The following GRM1 variants were observed in gnomAD, a reference collection of about 807,000 sequenced individuals.
The protein encoded by GRM1 is glutamate metabotropic receptor 1.
GRM1 carries 33 observed loss-of-function variants against 90.9 expected under a neutral mutation model. The ratio of observed to expected loss-of-function variants is 0.36; its 90% CI spans 0.28 to 0.49. GRM1 has a LOEUF of 0.49. Among genes scored for constraint, GRM1 ranks in the 20% least tolerant of loss-of-function variants. The pLI, the probability that GRM1 is intolerant of heterozygous loss-of-function variation, is 0.99. For missense variants in GRM1, 1,190 were observed against 1,534.3 expected (o/e 0.78, Z 3.75); for synonymous variants, 700 against 613.2 (o/e 1.14, Z -2.09).
At chr6:146,043,782 G>GATATAT (rs3064997) in intron 1 of GRM1, among the ~76,000 whole-genome samples, 1,535 of 89,922 alleles carry the variant, frequency 0.017, 33 homozygotes, top group Admixed American at 0.035. Flanking sequence ...AGAGTCAGGT[G>GATATAT]ATATATATAT....
chr6:146,433,119 TTTCAATG>T (rs1313983200), intron 7 of GRM1, among the ~76,000 whole-genome samples: 3 of 152,216 alleles, frequency 2.0e-5, no homozygotes, highest in Non-Finnish European at 4.4e-5. Context: ...AATACAGCTA[TTTCAATG>T]TTCCTAGAGT....
chr6:146,284,921 G>A (rs1782701948), intron 2 of GRM1, among the ~76,000 whole-genome samples: 1 of 152,166 alleles, frequency 6.6e-6, no homozygotes, highest in African/African-American at 2.4e-5. Flanking sequence ...TTTAGCTAGT[G>A]ATGGATAAGT....
intron 2 of GRM1, among the ~76,000 whole-genome samples, chr6:146,260,343 A>G (rs974751776): frequency 6.6e-6 from 1 of 151,990 alleles, no homozygotes; most frequent in East Asian, 1.9e-4. Flanking sequence ...ATCCTTTTTT[A>G]TGGCTCCATA....
At chr6:146,196,925 G>T in intron 2 of GRM1, among the ~76,000 whole-genome samples, 1 of 152,154 alleles carries the variant, frequency 6.6e-6, no homozygotes, top group South Asian at 2.1e-4. Flanking sequence ...AGATACAAGA[G>T]AACAAAAAGA....
intron 1 of GRM1, among the ~76,000 whole-genome samples, chr6:146,070,771 A>G (rs982679855): frequency 6.6e-6 from 1 of 152,148 alleles, no homozygotes; most frequent in Non-Finnish European, 1.5e-5. Flanking sequence ...CAGAATCATG[A>G]CCTTACTAGT....
intron 2 of GRM1, among the ~76,000 whole-genome samples, chr6:146,173,802 G>A (rs113919439): frequency 0.021 from 3,237 of 152,040 alleles, 53 homozygotes; most frequent in Non-Finnish European, 0.036. Context: ...AAGTAGCTGG[G>A]ATTACAGGCA....
intron 2 of GRM1, among the ~76,000 whole-genome samples, chr6:146,216,686 T>C (rs1466426787): frequency 6.6e-6 from 1 of 152,246 alleles, no homozygotes; most frequent in Non-Finnish European, 1.5e-5. Context: ...AGAGTCCTGT[T>C]CCTCTAAACT....
At chr6:146,339,934 C>T (rs1053147943) in intron 3 of GRM1, among the ~76,000 whole-genome samples, 3 of 152,186 alleles carry the variant, frequency 2.0e-5, no homozygotes, top group Non-Finnish European at 4.4e-5. Context: ...TCCCTTGGCA[C>T]ACAAAATAGG....
chr6:146,336,380 A>G (rs1457515326), intron 3 of GRM1, among the ~76,000 whole-genome samples: 1 of 152,162 alleles, frequency 6.6e-6, no homozygotes, highest in Non-Finnish European at 1.5e-5. Context: ...GAGAAGCTGC[A>G]ATCTGATTCC....
At position 146,339,499 on chromosome 6, in the gene GRM1, A is replaced by G. The variant is rs1031588043; in HGVS notation, c.1187-12751A>G. On this transcript the variant is annotated intron_variant, in intron 3 of 7. Transcript: ENST00000282753. The stretch of plus-strand genomic sequence containing the variant: ...TCATTTATATTACAGCTTTTATTCA[A>G]TAATCTTGAGTGATAGCTTATAGTC... 2.2e-4 allele frequency among the ~76,000 whole-genome samples: 34 copies of G among 152,198 alleles called. 1 individual carries two copies. The highest frequency in any genetic ancestry group is 7.7e-4 in the African/African-American group (32 of 41,460).
chr6:146,232,648 G>A (rs1780487561), intron 2 of GRM1, among the ~76,000 whole-genome samples: 2 of 151,772 alleles, frequency 1.3e-5, no homozygotes, highest in African/African-American at 2.4e-5. Context: ...TTTTGTACAC[G>A]TTAACCATCC....
intron 2 of GRM1, among the ~76,000 whole-genome samples, chr6:146,269,977 A>C (rs1304683989): frequency 6.6e-6 from 1 of 151,900 alleles, no homozygotes; most frequent in African/African-American, 2.4e-5. Flanking sequence ...AAAAAAAAAA[A>C]ACAAGAAATG....
chr6:146,178,054 T>C (rs2114534011), intron 2 of GRM1, among the ~76,000 whole-genome samples: 1 of 152,318 alleles, frequency 6.6e-6, no homozygotes, highest in Admixed American at 6.5e-5. Context: ...TCAATATTGA[T>C]ACTGCATTAT....
intron 3 of GRM1, among the ~76,000 whole-genome samples, chr6:146,310,327 C>A (rs1022394362): frequency 6.6e-6 from 1 of 152,150 alleles, no homozygotes; most frequent in African/African-American, 2.4e-5. Flanking sequence ...TAAGATCAGT[C>A]CATTAGAGTT....
intron 3 of GRM1, among the ~76,000 whole-genome samples, chr6:146,325,526 A>G (rs1784372213): frequency 6.6e-6 from 1 of 152,218 alleles, no homozygotes; most frequent in Admixed American, 6.5e-5. Context: ...CCCTAGGAAT[A>G]AAATGGCCTC....
intron 7 of GRM1, among the ~76,000 whole-genome samples, chr6:146,433,479 G>GA (rs1248872876): frequency 2.0e-5 from 3 of 151,564 alleles, no homozygotes; most frequent in African/African-American, 7.3e-5. Flanking sequence ...GTGTAACTAA[G>GA]ATTTTTTTTT....
intron 5 of GRM1, among the ~76,000 whole-genome samples, chr6:146,377,321 T>C (rs1583410790): frequency 6.6e-6 from 1 of 152,250 alleles, no homozygotes; most frequent in African/African-American, 2.4e-5. Flanking sequence ...TAGAGACTTA[T>C]TAAATGGCTT....
Position 146,433,917 on chromosome 6 carries a change from G to A in GRM1, c.2706G>A (p.Gln902=). 6.2e-7 allele frequency: 1 copy of A among 1,613,978 alleles called. No homozygotes were observed. Among genetic ancestry groups the A allele is most frequent in the Non-Finnish European group, 8.5e-7 (1 of 1,179,840 alleles). ...CATGGTCTGAACCAGGTGGAGGACA[G>A]GTGCCCAAGGGACAGCATATGTGGC... The part of the protein sequence containing the change: ...SVSWSEPGGG[Q]VPKGQHMWHR... The change falls in exon 8 of 8, where the codon CAG becomes CAA. Residue 902 remains glutamine, a synonymous_variant. Transcript: ENST00000282753.
chr6:146,416,984 C>T (rs1298556850), intron 7 of GRM1, among the ~76,000 whole-genome samples: 2 of 152,160 alleles, frequency 1.3e-5, no homozygotes, highest in Non-Finnish European at 2.9e-5. Flanking sequence ...CTTTACTTCC[C>T]TCTCTCCAGG....
Sources: gnomAD v4.1 joint callset for allele counts (sites outside exome capture counted in the v4.1 genomes callset) on GRCh38, gnomAD v4.1.1 for gene constraint, MANE v1.5 for transcripts, NCBI Gene and HGNC (gene_info 2026-07-23, HGNC 2026-07-21) for gene names.